ADAMTS13: variants seen among roughly 807,000 people sequenced by gnomAD.
The protein encoded by ADAMTS13 is ADAM metallopeptidase with thrombospondin type 1 motif 13, also known as A disintegrin and metalloproteinase with thrombospondin motifs 13.
ADAMTS13 carries 110 observed loss-of-function variants against 155.1 expected under a neutral mutation model. The ratio of observed to expected loss-of-function variants is 0.71; its 90% CI spans 0.61 to 0.83. The LOEUF (loss-of-function observed/expected upper bound fraction) is 0.83, where lower values mean the gene tolerates loss of function less well. Among genes scored for constraint, ADAMTS13 ranks in the 40% least tolerant of loss-of-function variants. ADAMTS13 has a pLI of 0.00. For missense variants in ADAMTS13, 1,707 were observed against 1,891.7 expected (o/e 0.90, Z 1.81); for synonymous variants, 758 against 756.4 (o/e 1.00, Z -0.03).
rs782028569 is a variant in ADAMTS13 at position 133,445,015 on chromosome 9, CCT to C, written c.2574_2575del (p.Val860ArgfsTer127). The stretch of plus-strand genomic sequence containing the variant: ...GATGAGAAGCTGCCTGCCCCTGAGC[CCT>C]GTGTCGGGATGTCATGTCCTCCAGG... On this transcript the variant is annotated frameshift_variant, in exon 20 of 29. Transcript: ENST00000355699. LOFTEE classifies it high-confidence loss of function. The surrounding 1 kb of genome is among the most constrained non-coding windows in gnomAD (Gnocchi z 5.0). 1 of 1,613,482 alleles carries C rather than the reference CCT, an allele frequency of 6.2e-7. No homozygotes were observed. The highest frequency in any genetic ancestry group is 8.5e-7 in the Non-Finnish European group (1 of 1,180,016).
At position 133,424,600 on chromosome 9, in the gene ADAMTS13, T is replaced by C; in HGVS notation, c.330+122T>C. 1 of 1,415,954 alleles carries C rather than the reference T, an allele frequency of 7.1e-7. No individual in the cohort carries two copies. The highest frequency in any genetic ancestry group is 9.6e-7 in the Non-Finnish European group (1 of 1,036,478). 87.7% of individuals were successfully genotyped at this position (1,415,954 alleles called of 1,614,324 possible). ...TAAACTCAGGTAGAATGGCTCGGGG[T>C]TCTTCCTCTTCTCCCTCCCTCCCCT... is the stretch of plus-strand genomic sequence containing the variant. On this transcript the variant is annotated intron_variant, in intron 3 of 28. Transcript: ENST00000355699. This position sits in a 1 kb window ranked among gnomAD's most constrained non-coding sequence, Gnocchi z 4.3.
At chr9:133,434,887 T>A (rs1482547246) in intron 11 of ADAMTS13, among the ~76,000 whole-genome samples, 2 of 152,236 alleles carry the variant, frequency 1.3e-5, no homozygotes, top group Non-Finnish European at 1.5e-5. Context: ...AGACAACAGG[T>A]GTGCTTCCTG....
upstream of ADAMTS13, chr9:133,417,609 T>G (rs587607042): frequency 1.2e-5 from 19 of 1,612,642 alleles, no homozygotes; most frequent in South Asian, 2.1e-4. Context: ...CCGGGCCCCC[T>G]CAAGCCTCAC....
chr9:133,433,588 G>T (rs1420866877), intron 10 of ADAMTS13, 53 bp from the exon 11 acceptor site: 2 of 1,613,698 alleles, frequency 1.2e-6, no homozygotes, highest in African/African-American at 2.7e-5. Flanking sequence ...GTCCCTAGTT[G>T]AAGGCAGTGG....
At chr9:133,442,571 G>A (rs782148203) in intron 17 of ADAMTS13, 37 bp downstream of exon 17, 1 of 1,613,300 alleles carries the variant, frequency 6.2e-7, no homozygotes, top group African/African-American at 1.3e-5. Flanking sequence ...AGCACGGCTT[G>A]CCCCTGCAGG....
At chr9:133,416,117 C>T (rs1554781514) in intron 1 of ADAMTS13, among the ~76,000 whole-genome samples, 3 of 152,196 alleles carry the variant, frequency 2.0e-5, no homozygotes. Flanking sequence ...CCAGCATCTG[C>T]TTCTGGTGAG....
At position 133,425,400 on chromosome 9, in the gene ADAMTS13, G is replaced by C. The variant is rs587697250; in HGVS notation, c.331-129G>C. On this transcript the variant is annotated intron_variant, in intron 3 of 28. Coordinates refer to ENST00000355699, the MANE Select transcript of ADAMTS13 (RefSeq NM_139027.6). This position sits in a 1 kb window ranked among gnomAD's most constrained non-coding sequence, Gnocchi z 4.6. ...ATTTTAGGAGCCCCCCGCCCCGCCCGGTTCCCACACATGCTGGTGGAGTAG... is the reference window on the plus strand; with the variant it reads ...ATTTTAGGAGCCCCCCGCCCCGCCCCGTTCCCACACATGCTGGTGGAGTAG... The C allele has an allele frequency of 3.1e-5, 23 of 742,564 alleles. No individual in the cohort carries two copies. The South Asian group carries it at 3.3e-4, about 11-fold the overall frequency. 46.0% of individuals were successfully genotyped at this position (742,564 alleles called of 1,614,324 possible).
intron 21 of ADAMTS13, among the ~76,000 whole-genome samples, chr9:133,446,467 T>C (rs1842072409): frequency 6.6e-6 from 1 of 152,254 alleles, no homozygotes; most frequent in Non-Finnish European, 1.5e-5. Context: ...TCACTCAGCA[T>C]GATGTCCTCA....
Position 133,436,888 on chromosome 9 carries a change from G to A in ADAMTS13, c.1368G>A (p.Gln456=). Reference sequence around the variant, plus strand: ...AACAGTGCGCCAGGACCGACGGCCAGCCGCTGCGCTCCTCCCCTGGCGGCG... The same window carrying A: ...AACAGTGCGCCAGGACCGACGGCCAACCGCTGCGCTCCTCCCCTGGCGGCG... ...MSQQCARTDG[Q]PLRSSPGGAS... The change falls in exon 12 of 29, where the codon CAG becomes CAA. Residue 456 remains glutamine, a synonymous_variant. Transcript: ENST00000355699. The A allele has an allele frequency of 6.3e-7, 1 of 1,586,754 alleles. No individual in the cohort carries two copies.
rs1364340476 is a variant in ADAMTS13, at chr9:133,440,559, G to GCTT, written c.1968+41_1968+43dup. 6.4e-7 allele frequency: 1 copy of GCTT among 1,555,120 alleles called. No homozygotes were observed. Among genetic ancestry groups the GCTT allele is most frequent in the Non-Finnish European group, 8.7e-7 (1 of 1,146,994 alleles). On this transcript the variant is annotated intron_variant, in intron 16 of 28. Coordinates refer to ENST00000355699, the MANE Select transcript of ADAMTS13 (RefSeq NM_139027.6). The surrounding 1 kb of genome is among the most constrained non-coding windows in gnomAD (Gnocchi z 4.3). The stretch of plus-strand genomic sequence containing the variant: ...GAGAGCCTGGGGGAGGCCAGTGGGG[G>GCTT]CTTCTTCTTGGGGGCTATGGCTGCT...
In ADAMTS13 at chr9:133,430,099, C is replaced by G. The variant is rs1840634496; in HGVS notation, c.985C>G (p.Leu329Val). ...AVACTFAREH[L>V]DMCQALSCHT... ...CGCCTGCACCTTCGCCAGGGAGCAC[C>G]TGGTGAGTCTGCCGGCGGTGGCCTG... is the stretch of plus-strand genomic sequence containing the variant. The change falls in exon 8 of 29, where the codon CTG becomes GTG. Residue 329 changes from leucine to valine, a missense_variant and splice_region_variant. Leu to Val is a conservative substitution (Grantham distance 32, BLOSUM62 1). Transcript: ENST00000355699. The G allele has an allele frequency of 6.3e-7, 1 of 1,581,650 alleles. No homozygotes were observed. The highest frequency in any genetic ancestry group is 8.6e-7 in the Non-Finnish European group (1 of 1,169,466).
intron 23 of ADAMTS13, among the ~76,000 whole-genome samples, chr9:133,450,201 A>G (rs1416475507): frequency 6.6e-6 from 1 of 151,374 alleles, no homozygotes; most frequent in Non-Finnish European, 1.5e-5. Flanking sequence ...GGAAGGCTGA[A>G]GCGGGTGGAT....
chr9:133,414,722 C>T (rs151201190), intron 1 of ADAMTS13: 5 of 1,614,126 alleles, frequency 3.1e-6, no homozygotes, highest in South Asian at 1.1e-5. Context: ...CTCGATGTCC[C>T]CTCGTTCTGG....
intron 7 of ADAMTS13, chr9:133,429,715 G>A (rs1564413679): frequency 2.8e-6 from 2 of 707,980 alleles, no homozygotes; most frequent in African/African-American, 1.8e-5. Flanking sequence ...TCCCTCCGTC[G>A]CCGCTCCCTC....
At chr9:133,432,459 G>A (rs1840841436) in intron 8 of ADAMTS13, 129 bp from the exon 9 acceptor site, 3 of 821,446 alleles carry the variant, frequency 3.7e-6, no homozygotes, top group African/African-American at 1.7e-5. Flanking sequence ...GAGGGCACCA[G>A]TGCCCACGGT....
At chr9:133,417,758 C>T (rs782685072), upstream of ADAMTS13, 11 of 1,613,038 alleles carry the variant, frequency 6.8e-6, no homozygotes, top group African/African-American at 1.2e-4. Flanking sequence ...TCTTGTTTTT[C>T]TTCCGAGTGA....
chr9:133,444,726 AC>A (rs2130887865), intron 19 of ADAMTS13, 136 bp from the exon 20 acceptor site: 1 of 857,906 alleles, frequency 1.2e-6, no homozygotes, highest in East Asian at 2.7e-5. Flanking sequence ...CCTGAGCTTC[AC>A]TTCTCTGTGG....
chr9:133,447,665 T>C (rs1176832335), intron 21 of ADAMTS13, among the ~76,000 whole-genome samples: 2 of 152,218 alleles, frequency 1.3e-5, no homozygotes, highest in African/African-American at 4.8e-5. Flanking sequence ...CTTGGCTCAC[T>C]GCAACCTCCG....
chr9:133,445,645 C>T lies in ADAMTS13; in HGVS notation c.2611-54C>T, dbSNP rs949506983. 72 of 1,611,638 alleles carry T rather than the reference C, an allele frequency of 4.5e-5. No homozygotes were observed. The highest frequency in any genetic ancestry group is 3.5e-4 in the African/African-American group (26 of 75,020). On this transcript the variant is annotated intron_variant, in intron 20 of 28. Transcript: ENST00000355699. This position sits in a 1 kb window ranked among gnomAD's most constrained non-coding sequence, Gnocchi z 5.0. Reference sequence around the variant, plus strand: ...TGCCTGAGAAGATCGAGACGGGGATCGCTGGGTCCTCAGAGGAGGCCCAGA... The same window carrying T: ...TGCCTGAGAAGATCGAGACGGGGATTGCTGGGTCCTCAGAGGAGGCCCAGA...
Sources: allele counts gnomAD v4.1 joint callset (sites outside exome capture counted in the v4.1 genomes callset), GRCh38; gene constraint gnomAD v4.1.1; non-coding constraint Gnocchi (gnomAD v3.1); transcripts MANE v1.5; gene names NCBI Gene and HGNC (gene_info 2026-07-23, HGNC 2026-07-21).